The following PRX variants were observed in gnomAD, a reference collection of about 807,000 sequenced individuals.
PRX encodes the protein periaxin.
Under a neutral mutation model 29.6 loss-of-function variants are expected in PRX, and 24 were observed. The ratio of observed to expected loss-of-function variants is 0.81; its 90% confidence interval spans 0.59 to 1.14. The LOEUF (loss-of-function observed/expected upper bound fraction) is 1.14. PRX is among the 50% of genes most tolerant of loss of function. The probability of loss-of-function intolerance (pLI) is 0.00; values close to 1 mark genes in which losing one functional copy is unlikely to be tolerated. For synonymous variants in PRX, 772 were observed against 831.7 expected (o/e 0.93, Z 1.24); for missense variants, 1,838 against 1,926.4 (o/e 0.95, Z 0.86).
At chr19:40,412,888 A>C (rs1371682499) in intron 1 of PRX, among the ~76,000 whole-genome samples, 2 of 152,160 alleles carry the variant, frequency 1.3e-5, no homozygotes, top group Non-Finnish European at 2.9e-5. Context: ...GCTAATTAAA[A>C]AAAATTTTTT....
chr19:40,394,580 C>A lies in PRX; in HGVS notation c.3772G>T (p.Gly1258Cys), dbSNP rs781392383. The A allele has an allele frequency of 1.7e-5, 28 of 1,609,150 alleles. No individual in the cohort carries two copies. Among genetic ancestry groups the A allele is most frequent in the East Asian group, 4.5e-5 (2 of 44,820 alleles). Residue 1258 changes from glycine to cysteine, a missense_variant, in exon 7 of 7, where the codon GGC (glycine) becomes TGC (cysteine). Physicochemically the swap from Gly to Cys is radical, Grantham distance 159 (BLOSUM62 -3). Around this residue, in one of 3 missense-constraint regions of PRX, gnomAD observed 1,143 missense variants for 1,193.0 expected, o/e 0.96. Coordinates refer to ENST00000324001, the MANE Select transcript of PRX (RefSeq NM_181882.3). The surrounding 1 kb of genome is among the most constrained non-coding windows in gnomAD (Gnocchi z 5.8). ...PTLGARARVGGEGAEEQPPGA... is the reference protein window; with the variant it reads ...PTLGARARVGCEGAEEQPPGA... The stretch of plus-strand genomic sequence containing the variant: ...GGGGGCTGCTCCTCAGCACCCTCGC[C>A]CCCCACCCTAGCTCTGGCCCCCAGT...
rs139950446 is a variant in PRX at position 40,394,650 on chromosome 19, G to A, written c.3702C>T (p.Gly1234=). 3,629 of 1,607,154 alleles carry A rather than the reference G, an allele frequency of 2.3e-3. 47 individuals carry two copies. The East Asian group carries it at 0.029, about 13-fold the overall frequency. ...GCCCACCCTCGCCTGTGGCCGCCTC[G>A]CCCGCCTGTGCCTCTCGGCTTAGCC... The part of the protein sequence containing the change: ...DVGLSREAQA[G]EAATGEGGLR... Residue 1234 remains glycine (G), a synonymous_variant, in exon 7 of 7, where the codon GGC becomes GGT. Coordinates refer to ENST00000324001, the MANE Select transcript of PRX (RefSeq NM_181882.3). The surrounding 1 kb of genome is among the most constrained non-coding windows in gnomAD (Gnocchi z 5.8).
intron 4 of PRX, among the ~76,000 whole-genome samples, chr19:40,406,327 C>T (rs868434374): frequency 3.7e-4 from 56 of 152,070 alleles, no homozygotes; most frequent in African/African-American, 1.2e-3. Flanking sequence ...ATCCTCTGGC[C>T]TCAGCCTCCC....
chr19:40,406,768 T>C (rs2079532718), intron 4 of PRX, among the ~76,000 whole-genome samples: 2 of 124,206 alleles, frequency 1.6e-5, no homozygotes, highest in South Asian at 2.3e-4. Flanking sequence ...ATTACCTCCA[T>C]TTCTTTTTTT....
At chr19:40,402,285 C>T (rs552001444) in intron 5 of PRX, among the ~76,000 whole-genome samples, 1 of 151,780 alleles carries the variant, frequency 6.6e-6, no homozygotes, top group Admixed American at 6.6e-5. Flanking sequence ...ACACGGGAGG[C>T]GGAGCTTGCA....
In PRX at chr19:40,398,489, G is replaced by GGTGGAATTAGCTTGGGTTA. The variant is rs1273196585; in HGVS notation, c.381+112_381+130dup. 6.4e-7 allele frequency: 1 copy of GGTGGAATTAGCTTGGGTTA among 1,551,044 alleles called. No homozygotes were observed. The highest frequency in any genetic ancestry group is 1.4e-5 in the African/African-American group (1 of 74,016). On this transcript the variant is annotated intron_variant, in intron 6 of 6. Transcript: ENST00000324001. This position sits in a 1 kb window ranked among gnomAD's most constrained non-coding sequence, Gnocchi z 6.3. ...TTGGGGCAGAGAGGAAGGGGCAGAG[G>GGTGGAATTAGCTTGGGTTA]GTGGAATTAGCTTGGGTTAGTGACA...
chr19:40,413,108 G>A (rs1016894861), intron 1 of PRX, among the ~76,000 whole-genome samples: 4 of 152,210 alleles, frequency 2.6e-5, no homozygotes, highest in Non-Finnish European at 5.9e-5. Context: ...CCATTTTAGA[G>A]ATGGGGAAAC....
chr19:40,409,277 T>G (rs2079547505), intron 1 of PRX, among the ~76,000 whole-genome samples: 1 of 151,790 alleles, frequency 6.6e-6, no homozygotes, highest in Non-Finnish European at 1.5e-5. Flanking sequence ...AAAATAATTA[T>G]AGCCACTCCC....
Position 40,408,022 on chromosome 19 carries a change from G to A in PRX, c.-90C>T. 6.4e-7 allele frequency: 1 copy of A among 1,562,764 alleles called. No individual in the cohort carries two copies. Among genetic ancestry groups the A allele is most frequent in the Non-Finnish European group, 8.7e-7 (1 of 1,143,968 alleles). ...AGCTTCAGTTCTGCATGGAGCAGCT[G>A]CCTCTGAGCCTGTGGGAGGACAGCA... On this transcript the variant is annotated 5_prime_UTR_variant, in exon 4 of 7. Transcript: ENST00000324001.
In PRX at chr19:40,399,871, C is replaced by CTTTCTT. The variant is rs1445635138; in HGVS notation, c.185-1061_185-1056dup. Among the ~76,000 whole-genome samples the CTTTCTT allele has an allele frequency of 1.1e-3, 71 of 67,150 alleles. 1 individual carries two copies. Among genetic ancestry groups the CTTTCTT allele is most frequent in the Admixed American group, 9.2e-3 (70 of 7,584 alleles). The allele number at this position is 67,150 out of a possible 152,430, so 44.1% of individuals were successfully genotyped here. On this transcript the variant is annotated intron_variant, in intron 5 of 6. Transcript: ENST00000324001. ...CTTTCCTTTCTTTCTTTCTTTCTTTCTTTCTTTCTTTCTTTCTTTCTTTCT... is the reference window on the plus strand; with the variant it reads ...CTTTCCTTTCTTTCTTTCTTTCTTTCTTTCTTTTTCTTTCTTTCTTTCTTTCTTTCT...
chr19:40,414,553 G>GT (rs1352632995), upstream of PRX, among the ~76,000 whole-genome samples: 1 of 152,092 alleles, frequency 6.6e-6, no homozygotes, highest in African/African-American at 2.4e-5. Flanking sequence ...CTCAGAGAAG[G>GT]TAAGTGACTC....
intron 4 of PRX, among the ~76,000 whole-genome samples, chr19:40,407,252 G>GTGTGTTTAGA (rs1568716527): frequency 7.8e-6 from 1 of 128,690 alleles, no homozygotes; most frequent in Non-Finnish European, 1.7e-5. Flanking sequence ...GTGTGTGTGT[G>GTGTGTTTAGA]TTTAGACAGG....
In PRX at chr19:40,408,179, TC is replaced by T. The variant is rs2079541233; in HGVS notation, c.-122del. On this transcript the variant is annotated 5_prime_UTR_variant, in exon 3 of 7. Coordinates refer to ENST00000324001, the MANE Select transcript of PRX (RefSeq NM_181882.3). ...TCACCGCTGCCTGGGTGCAGGCACT[TC>T]CTCCTAACAGGAGCCCAGCCCGAGG... 1.7e-6 allele frequency: 1 copy of T among 596,926 alleles called. No individual in the cohort carries two copies. The highest frequency in any genetic ancestry group is 2.0e-5 in the South Asian group (1 of 50,794). 37.0% of individuals were successfully genotyped at this position (596,926 alleles called of 1,614,324 possible).
intron 5 of PRX, among the ~76,000 whole-genome samples, chr19:40,399,729 C>T (rs2079474446): frequency 6.6e-6 from 1 of 152,084 alleles, no homozygotes; most frequent in East Asian, 1.9e-4. Flanking sequence ...TCTTTCTTTT[C>T]TAAACAGTCT....
chr19:40,396,157 A>T lies in PRX; in HGVS notation c.2195T>A (p.Val732Glu). 1.2e-6 allele frequency: 2 copies of T among 1,613,452 alleles called. No homozygotes were observed. Among genetic ancestry groups the T allele is most frequent in the Non-Finnish European group, 1.7e-6 (2 of 1,179,588 alleles). The change falls in exon 7 of 7, where the codon GTG becomes GAG. Residue 732 changes from valine to glutamate, a missense_variant. Val to Glu is a moderately radical substitution (Grantham distance 121). Transcript: ENST00000324001. The part of the protein sequence containing the change: ...MKLPEIKLPK[V>E]PEMAVPDVHL... The stretch of plus-strand genomic sequence containing the variant: ...CACATCGGGCACAGCCATCTCAGGC[A>T]CCTTGGGGAGTTTTATCTCTGGGAG...
At position 40,397,852 on chromosome 19, in the gene PRX, C is replaced by T. The variant is rs757322355; in HGVS notation, c.500G>A (p.Arg167His). 1.2e-5 allele frequency: 20 copies of T among 1,603,548 alleles called. No homozygotes were observed. The highest frequency in any genetic ancestry group is 4.5e-5 in the East Asian group (2 of 44,580). ...EFSFPKFSRL[R>H]RGLKAEAVKG... is the part of the protein sequence containing the mutation. ...GACAGCCTCGGCTTTGAGGCCCCGA[C>T]GCAGGCGGGAGAACTTGGGAAAGGA... is the stretch of plus-strand genomic sequence containing the variant. Residue 167 changes from arginine (R) to histidine (H), a missense_variant, in exon 7 of 7, where the codon CGT (arginine) becomes CAT (histidine). Around this residue, in one of 3 missense-constraint regions of PRX, gnomAD observed 666 missense variants for 665.0 expected, o/e 1.00. Transcript: ENST00000324001.
chr19:40,397,244 T>C lies in PRX; in HGVS notation c.1108A>G (p.Lys370Glu). 6.2e-7 allele frequency: 1 copy of C among 1,613,788 alleles called. No individual in the cohort carries two copies. Among genetic ancestry groups the C allele is most frequent in the Non-Finnish European group, 8.5e-7 (1 of 1,180,030 alleles). ...LSFPRFGARAKEVAEAKVAKV... is the reference protein window; with the variant it reads ...LSFPRFGARAEEVAEAKVAKV... ...GCTACCTTGGCCTCAGCAACTTCCTTTGCTCGAGCCCCAAATCGGGGAAAA... is the reference window on the plus strand; with the variant it reads ...GCTACCTTGGCCTCAGCAACTTCCTCTGCTCGAGCCCCAAATCGGGGAAAA... The change falls in exon 7 of 7, where the codon AAG becomes GAG. Residue 370 changes from lysine (K) to glutamate (E), a missense_variant. Lys to Glu is a moderately conservative substitution (Grantham distance 56, BLOSUM62 1). Around this residue, in one of 3 missense-constraint regions of PRX, gnomAD observed 666 missense variants for 665.0 expected, o/e 1.00. Transcript: ENST00000324001.
intron 4 of PRX, among the ~76,000 whole-genome samples, chr19:40,405,002 G>A (rs1048607265): frequency 6.6e-6 from 1 of 152,140 alleles, no homozygotes; most frequent in Non-Finnish European, 1.5e-5. Context: ...CTCTGGGATT[G>A]GGGGGACAGG....
chr19:40,398,044 G>A lies in PRX; in HGVS notation c.382-74C>T. 1 of 1,532,044 alleles carries A rather than the reference G, an allele frequency of 6.5e-7. No individual in the cohort carries two copies. Among genetic ancestry groups the A allele is most frequent in the Non-Finnish European group, 8.8e-7 (1 of 1,138,696 alleles). The allele number at this position is 1,532,044 out of a possible 1,614,324, so 94.9% of individuals were successfully genotyped here. ...GGAGTGGACAGGAAGAGCCCCACCTGGTATTGGACCAGGCGGGGGATGTGC... is the reference window on the plus strand; with the variant it reads ...GGAGTGGACAGGAAGAGCCCCACCTAGTATTGGACCAGGCGGGGGATGTGC... On this transcript the variant is annotated intron_variant, in intron 6 of 6. Coordinates refer to ENST00000324001, the MANE Select transcript of PRX (RefSeq NM_181882.3). This position sits in a 1 kb window ranked among gnomAD's most constrained non-coding sequence, Gnocchi z 6.3.
Sources: gnomAD v4.1 joint callset for allele counts (sites outside exome capture counted in the v4.1 genomes callset) on GRCh38, gnomAD v4.1.1 for gene constraint, gnomAD v4.1.1 regional missense constraint, Gnocchi (gnomAD v3.1) non-coding constraint, MANE v1.5 for transcripts, NCBI Gene and HGNC (gene_info 2026-07-23, HGNC 2026-07-21) for gene names.